STIM1: variants seen among roughly 807,000 people sequenced by gnomAD.
The protein encoded by STIM1 is stromal interaction molecule 1.
STIM1 carries 25 observed loss-of-function variants against 74.7 expected under a neutral mutation model. That is an observed-to-expected ratio of 0.33 (90% CI 0.24 to 0.47). The LOEUF (loss-of-function observed/expected upper bound fraction) is 0.47, where lower values mean the gene tolerates loss of function less well. Ranked by LOEUF, STIM1 falls within the 20% of genes least tolerant of loss-of-function variation. The pLI, the probability that STIM1 is intolerant of heterozygous loss-of-function variation, is 1.00. For missense variants in STIM1, 728 were observed against 920.8 expected (o/e 0.79, Z 2.71); for synonymous variants, 328 against 348.8 (o/e 0.94, Z 0.66).
intron 1 of STIM1, among the ~76,000 whole-genome samples, chr11:3,915,334 C>A (rs10047431): frequency 0.062 from 9,486 of 152,048 alleles, 385 homozygotes; most frequent in Non-Finnish European, 0.094. Context: ...AAGCAATACA[C>A]CTGCCTCAGC....
chr11:4,011,523 C>A (rs1313294558), intron 2 of STIM1, among the ~76,000 whole-genome samples: 5 of 152,140 alleles, frequency 3.3e-5, no homozygotes, highest in African/African-American at 1.2e-4. Flanking sequence ...TAAATGTCTT[C>A]TTTTGAGAAG....
At chr11:4,059,711 T>G (rs1398151331) in intron 5 of STIM1, among the ~76,000 whole-genome samples, 1 of 152,178 alleles carries the variant, frequency 6.6e-6, no homozygotes, top group African/African-American at 2.4e-5. Context: ...ACAGTACTTC[T>G]GAGGCCCAGA....
intron 6 of STIM1, among the ~76,000 whole-genome samples, chr11:4,071,346 TTTATTA>T (rs921840590): frequency 2.0e-5 from 3 of 151,918 alleles, no homozygotes; most frequent in Non-Finnish European, 4.4e-5. Flanking sequence ...TTTATTTCTA[TTTATTA>T]TTATTATTAT....
intron 1 of STIM1, among the ~76,000 whole-genome samples, chr11:3,906,137 C>A (rs986710187): frequency 7.2e-5 from 11 of 152,216 alleles, no homozygotes; most frequent in African/African-American, 2.7e-4. Context: ...CCCAGAGGGG[C>A]TTATCCTTTT....
chr11:3,878,972 T>C (rs542766293), intron 1 of STIM1, among the ~76,000 whole-genome samples: 8 of 152,164 alleles, frequency 5.3e-5, no homozygotes. Flanking sequence ...CTTTTTTTTT[T>C]TGAGACGGAG....
chr11:3,899,423 C>A (rs1159864655), intron 1 of STIM1, among the ~76,000 whole-genome samples: 181 of 152,248 alleles, frequency 1.2e-3, no homozygotes, highest in African/African-American at 4.1e-3. Flanking sequence ...TGGGCTGAGA[C>A]AATGGGGTTT....
intron 2 of STIM1, among the ~76,000 whole-genome samples, chr11:4,017,758 T>C (rs1407536543): frequency 6.6e-6 from 1 of 152,202 alleles, no homozygotes; most frequent in Non-Finnish European, 1.5e-5. Context: ...GATAGCAGAT[T>C]TGATCTCTAA....
intron 12 of STIM1, chr11:4,088,797 C>T (rs1385171655): frequency 6.7e-7 from 1 of 1,500,286 alleles, no homozygotes; most frequent in Non-Finnish European, 9.0e-7. Flanking sequence ...GACCTCTGGC[C>T]TGATTGTTCT....
intron 2 of STIM1, among the ~76,000 whole-genome samples, chr11:3,992,308 G>C (rs11604728): frequency 6.6e-6 from 1 of 151,500 alleles, no homozygotes; most frequent in Non-Finnish European, 1.5e-5. Flanking sequence ...CAGCTACTCA[G>C]AAGGCTGAGA....
intron 1 of STIM1, among the ~76,000 whole-genome samples, chr11:3,914,152 G>A (rs951100571): frequency 3.9e-5 from 6 of 151,932 alleles, no homozygotes; most frequent in Admixed American, 3.9e-4. Context: ...GCTAGCCTTT[G>A]TTAACTTCCA....
chr11:4,051,492 A>C (rs1009813454), intron 3 of STIM1, among the ~76,000 whole-genome samples: 11 of 151,900 alleles, frequency 7.2e-5, no homozygotes, highest in African/African-American at 2.7e-4. Context: ...ACAGGCATGC[A>C]CCACCACGCC....
intron 3 of STIM1, among the ~76,000 whole-genome samples, chr11:4,043,987 C>T (rs553111925): frequency 6.6e-6 from 1 of 152,082 alleles, no homozygotes; most frequent in Non-Finnish European, 1.5e-5. Context: ...TGCACTCCAG[C>T]CTAGCGACAT....
chr11:4,059,495 C>A, intron 5 of STIM1, 99 bp downstream of exon 5: 1 of 898,826 alleles, frequency 1.1e-6, no homozygotes, highest in Non-Finnish European at 1.8e-6. Context: ...CTAGGCACAC[C>A]TGCAAGATAG....
intron 1 of STIM1, among the ~76,000 whole-genome samples, chr11:3,951,116 C>A (rs1565125709): frequency 6.6e-6 from 1 of 152,146 alleles, no homozygotes; most frequent in Non-Finnish European, 1.5e-5. Context: ...GAGGAGGGAG[C>A]AGGGCTATGG....
At chr11:3,952,670 G>A (rs1315206776) in intron 1 of STIM1, among the ~76,000 whole-genome samples, 1 of 152,172 alleles carries the variant, frequency 6.6e-6, no homozygotes, top group Non-Finnish European at 1.5e-5. Flanking sequence ...GTGTGTTATT[G>A]TTTGATTTCC....
chr11:4,059,180 A>G, intron 4 of STIM1, 101 bp from the exon 5 acceptor site: 1 of 1,051,036 alleles, frequency 9.5e-7, no homozygotes, highest in Non-Finnish European at 1.5e-6. Flanking sequence ...GGGAGCAATC[A>G]CCAAGAGCTA....
chr11:4,045,341 G>A (rs944757177), intron 3 of STIM1, among the ~76,000 whole-genome samples: 3 of 152,020 alleles, frequency 2.0e-5, no homozygotes, highest in Non-Finnish European at 4.4e-5. Context: ...ACTCTCTTAT[G>A]CCTTCATTAC....
At chr11:3,967,748 TAGAC>T (rs1336459896) in intron 2 of STIM1, 66 bp downstream of exon 2, 12 of 1,606,196 alleles carry the variant, frequency 7.5e-6, no homozygotes, top group African/African-American at 4.0e-5. Flanking sequence ...GAAAGCTACT[TAGAC>T]AGCCTCTTCC....
At chr11:4,027,890 G>T (rs912942127) in intron 3 of STIM1, among the ~76,000 whole-genome samples, 1 of 152,114 alleles carries the variant, frequency 6.6e-6, no homozygotes, top group Non-Finnish European at 1.5e-5. Flanking sequence ...TTGAGAAATA[G>T]AATTACTGCT....
Sources: allele counts gnomAD v4.1 joint callset (sites outside exome capture counted in the v4.1 genomes callset), GRCh38; gene constraint gnomAD v4.1.1; transcripts MANE v1.5; gene names NCBI Gene and HGNC (gene_info 2026-07-23, HGNC 2026-07-21).